The following SAMD5 variants were observed in gnomAD, a reference collection of about 807,000 sequenced individuals.
The protein encoded by SAMD5 is sterile alpha motif domain containing 5.
A neutral mutation model predicts 11.3 loss-of-function variants in SAMD5; 13 were observed. The ratio of observed to expected loss-of-function variants is 1.15; its 90% confidence interval spans 0.75 to 1.83. SAMD5 has a LOEUF of 1.83. SAMD5 is among the 40% of genes most tolerant of loss of function. SAMD5 has a pLI of 0.00. For synonymous variants in SAMD5, 129 were observed against 111.3 expected, an observed-to-expected ratio of 1.16 and a Z score of -1.00; for missense variants, 255 against 239.1, an observed-to-expected ratio of 1.07 and a Z score of -0.44.
At chr6:147,641,883 C>T (rs1790317710) in intron 1 of SAMD5, among the ~76,000 whole-genome samples, 1 of 151,962 alleles carries the variant, frequency 6.6e-6, no homozygotes, top group African/African-American at 2.4e-5. Context: ...AATCATTTTC[C>T]CCTCAATTTA....
the SAMD5 span, among the ~76,000 whole-genome samples, chr6:147,875,699 G>A: frequency 3.9e-5 from 6 of 152,008 alleles, no homozygotes; most frequent in Non-Finnish European, 5.9e-5. Context: ...ATCAGTGGCC[G>A]CGTTAGATTT....
At chr6:147,820,765 C>T in the SAMD5 span, among the ~76,000 whole-genome samples, 1 of 152,094 alleles carries the variant, frequency 6.6e-6, no homozygotes, top group Non-Finnish European at 1.5e-5. Flanking sequence ...TATCACTTTG[C>T]CGGGTGGAAA....
At chr6:147,580,542 C>T (rs367978409) in intron 1 of SAMD5, among the ~76,000 whole-genome samples, 8 of 152,302 alleles carry the variant, frequency 5.3e-5, no homozygotes, top group Non-Finnish European at 8.8e-5. Flanking sequence ...TTCTATTCTG[C>T]GCTGGTCACT....
the SAMD5 span, among the ~76,000 whole-genome samples, chr6:147,791,151 C>T: frequency 1.3e-5 from 2 of 151,870 alleles, no homozygotes; most frequent in Non-Finnish European, 1.5e-5. Flanking sequence ...AAAAATTAGC[C>T]GGGTATGGTG....
intron 1 of SAMD5, among the ~76,000 whole-genome samples, chr6:147,635,638 G>A (rs961073377): frequency 2.6e-5 from 4 of 152,156 alleles, no homozygotes; most frequent in African/African-American, 4.8e-5. Flanking sequence ...TTGGGCTCAC[G>A]TGGCTGACCA....
chr6:147,536,031 T>C (rs1046416224), intron 1 of SAMD5, among the ~76,000 whole-genome samples: 9 of 152,018 alleles, frequency 5.9e-5, no homozygotes, highest in Admixed American at 1.3e-4. Flanking sequence ...TTGCCCAGGC[T>C]GGAGTGCAGT....
chr6:147,536,262 C>T (rs1473675941), intron 1 of SAMD5, among the ~76,000 whole-genome samples: 1 of 152,130 alleles, frequency 6.6e-6, no homozygotes, highest in African/African-American at 2.4e-5. Context: ...GAATTACAGG[C>T]GTGAGCCACT....
chr6:147,822,145 A>G, the SAMD5 span, among the ~76,000 whole-genome samples: 1 of 152,216 alleles, frequency 6.6e-6, no homozygotes, highest in Admixed American at 6.5e-5. Context: ...ATACCAATTT[A>G]TATGATCAAT....
chr6:147,935,574 G>A, the SAMD5 span, among the ~76,000 whole-genome samples: 18 of 152,056 alleles, frequency 1.2e-4, no homozygotes, highest in Admixed American at 1.2e-3. Context: ...TATTAAAGCA[G>A]AATTTTTAAG....
chr6:147,734,679 C>G (rs1249858215), intron 1 of SAMD5, among the ~76,000 whole-genome samples: 3 of 120,806 alleles, frequency 2.5e-5, no homozygotes, highest in Non-Finnish European at 4.9e-5. Flanking sequence ...TGCCACTGCA[C>G]TCCAGCCTGG....
chr6:147,845,294 T>C, the SAMD5 span, among the ~76,000 whole-genome samples: 1 of 152,010 alleles, frequency 6.6e-6, no homozygotes, highest in East Asian at 1.9e-4. Context: ...CATAAAACTA[T>C]AAAGTATTTG....
the SAMD5 span, among the ~76,000 whole-genome samples, chr6:147,796,768 G>T: frequency 6.6e-6 from 1 of 151,834 alleles, no homozygotes; most frequent in East Asian, 1.9e-4. Flanking sequence ...AGTTCTGCTT[G>T]AAGAGGTCCT....
the SAMD5 span, among the ~76,000 whole-genome samples, chr6:147,849,481 G>A: frequency 6.6e-6 from 1 of 151,978 alleles, no homozygotes; most frequent in African/African-American, 2.4e-5. Flanking sequence ...CATGGGTTTT[G>A]ATTTACTTAA....
At chr6:147,780,875 G>A in the SAMD5 span, among the ~76,000 whole-genome samples, 5 of 151,944 alleles carry the variant, frequency 3.3e-5, no homozygotes, top group Non-Finnish European at 2.9e-5. Context: ...CTAATTCTTT[G>A]ATTTATTCAA....
the SAMD5 span, among the ~76,000 whole-genome samples, chr6:147,834,546 T>TGTTC: frequency 6.6e-6 from 1 of 152,240 alleles, no homozygotes; most frequent in Non-Finnish European, 1.5e-5. Flanking sequence ...GGCACACAGC[T>TGTTC]GTTCAATTGT....
At chr6:147,865,442 G>T in the SAMD5 span, among the ~76,000 whole-genome samples, 3 of 152,070 alleles carry the variant, frequency 2.0e-5, no homozygotes, top group Non-Finnish European at 2.9e-5. Flanking sequence ...CAGGCCACCT[G>T]ATTGTTTGAA....
rs145575738 is a variant in SAMD5, at chr6:147,550,567, C to T, written c.460-13827C>T. Among the ~76,000 whole-genome samples the T allele has an allele frequency of 2.2e-3, 336 of 152,170 alleles. 3 individuals are homozygous for T. Among genetic ancestry groups the T allele is most frequent in the African/African-American group, 7.7e-3 (319 of 41,522 alleles). On this transcript the variant is annotated intron_variant, in intron 1 of 1. Coordinates refer to ENST00000367474, the MANE Select transcript of SAMD5 (RefSeq NM_001030060.3). ...TATATATACACAATGGAATACCATTCGGCCATATAAAAGAGTGAAATTATG... is the reference window on the plus strand; with the variant it reads ...TATATATACACAATGGAATACCATTTGGCCATATAAAAGAGTGAAATTATG...
chr6:147,521,552 T>A (rs1421859330), intron 1 of SAMD5, among the ~76,000 whole-genome samples: 2 of 152,110 alleles, frequency 1.3e-5, no homozygotes, highest in African/African-American at 4.8e-5. Context: ...TTCTTTACTG[T>A]TTACTTGAAT....
chr6:147,932,423 A>G, the SAMD5 span, among the ~76,000 whole-genome samples: 1 of 152,148 alleles, frequency 6.6e-6, no homozygotes, highest in African/African-American at 2.4e-5. Flanking sequence ...AGTGGTGTGC[A>G]GTTACGTCAT....
Sources: allele counts gnomAD v4.1 joint callset (sites outside exome capture counted in the v4.1 genomes callset), GRCh38; gene constraint gnomAD v4.1.1; transcripts MANE v1.5; gene names NCBI Gene and HGNC (gene_info 2026-07-23, HGNC 2026-07-21).